The following DIP2C variants were observed in gnomAD, a reference collection of about 807,000 sequenced individuals.
DIP2C encodes the protein disco-interacting protein 2 homolog C.
Under a neutral mutation model 192.4 loss-of-function variants are expected in DIP2C, and 33 were observed. That is an observed-to-expected ratio of 0.17 (90% CI 0.13 to 0.23). DIP2C has a LOEUF of 0.23. DIP2C is among the 10% of genes least tolerant of loss of function. The pLI, the probability that DIP2C is intolerant of heterozygous loss-of-function variation, is 1.00. For synonymous variants in DIP2C, 979 were observed against 864.1 expected, an observed-to-expected ratio of 1.13 and a Z score of -2.33; for missense variants, 1,537 against 2,110.1, an observed-to-expected ratio of 0.73 and a Z score of 5.32.
chr10:411,188 C>A (rs1965160101), intron 8 of DIP2C, among the ~76,000 whole-genome samples: 1 of 152,156 alleles, frequency 6.6e-6, no homozygotes, highest in Non-Finnish European at 1.5e-5. Context: ...AAAAGGAAAA[C>A]CATAAATAAA....
At chr10:470,218 A>AATGGCG (rs1289473722) in intron 3 of DIP2C, among the ~76,000 whole-genome samples, 1 of 152,200 alleles carries the variant, frequency 6.6e-6, no homozygotes, top group African/African-American at 2.4e-5. Flanking sequence ...ATGTGGTTAT[A>AATGGCG]ATGGCGATGG....
At chr10:402,039 T>A (rs573442855) in intron 9 of DIP2C, among the ~76,000 whole-genome samples, 1 of 97,394 alleles carries the variant, frequency 1.0e-5, no homozygotes, top group African/African-American at 3.9e-5. Flanking sequence ...AAGTTTGGTA[T>A]GTGTTCATCA....
chr10:297,972 AT>A (rs1291787538), intron 32 of DIP2C, among the ~76,000 whole-genome samples: 2 of 152,224 alleles, frequency 1.3e-5, no homozygotes, highest in African/African-American at 4.8e-5. Flanking sequence ...TTTAAGAAAA[AT>A]TGAGCAGGAT....
At position 335,625 on chromosome 10, in the gene DIP2C, T is replaced by G. The variant is rs550774503; in HGVS notation, c.3584+5574A>C. 5.3e-5 allele frequency among the ~76,000 whole-genome samples: 8 copies of G among 152,338 alleles called. No homozygotes were observed. The East Asian group carries it at 1.2e-3, about 22-fold the overall frequency. ...GTCCCCTAACTTGGGGGCTGGTGCT[T>G]CCACATGGGGAGATCCAGGACAGGC... On this transcript the variant is annotated intron_variant, in intron 29 of 36. Transcript: ENST00000280886.
chr10:596,496 CAAAAAAAAAAAA>C (rs56298679), intron 1 of DIP2C, among the ~76,000 whole-genome samples: 67 of 52,938 alleles, frequency 1.3e-3, no homozygotes, highest in African/African-American at 3.5e-3. Flanking sequence ...AACTCCATCT[CAAAAAAAAAAAA>C]AAAAAAAAAA....
At chr10:330,621 T>C (rs1480616435) in intron 29 of DIP2C, among the ~76,000 whole-genome samples, 3 of 150,744 alleles carry the variant, frequency 2.0e-5, no homozygotes, top group Admixed American at 6.6e-5. Flanking sequence ...CCTGAGTCAG[T>C]AGGACCACAG....
At chr10:542,014 G>A (rs1022723043) in intron 1 of DIP2C, among the ~76,000 whole-genome samples, 1 of 152,200 alleles carries the variant, frequency 6.6e-6, no homozygotes, top group African/African-American at 2.4e-5. Context: ...GCACACGTTG[G>A]TCTCCTGCAC....
rs1225778384 is a variant in DIP2C at position 394,903 on chromosome 10, A to T, written c.1261-4040T>A. On this transcript the variant is annotated intron_variant, in intron 10 of 36. Transcript: ENST00000280886. ...CAGCCTTCAGACAGGAGGGAAGGTG[A>T]CCGTATGCTGAACAGGAAGGACACT... Among the ~76,000 whole-genome samples, 6 of 141,364 alleles carry T rather than the reference A, an allele frequency of 4.2e-5. No individual in the cohort carries two copies. In the East Asian group the frequency reaches 1.1e-3, roughly 26 times the overall value. 92.7% of individuals were successfully genotyped at this position (141,364 alleles called of 152,430 possible). A position where few individuals can be genotyped will look rare whatever the true frequency, so the allele number is the denominator to read the frequency against.
intron 5 of DIP2C, among the ~76,000 whole-genome samples, chr10:419,897 G>C (rs1966063931): frequency 6.6e-6 from 1 of 152,354 alleles, no homozygotes; most frequent in Non-Finnish European, 1.5e-5. Flanking sequence ...TGGAGATAAA[G>C]TTAAGCCGTA....
chr10:300,067 G>A (rs923909937), intron 32 of DIP2C, among the ~76,000 whole-genome samples: 2 of 152,216 alleles, frequency 1.3e-5, no homozygotes, highest in Non-Finnish European at 2.9e-5. Context: ...TGGCGGGAAG[G>A]TAAAACAATG....
chr10:304,914 C>T (rs1174973790), intron 32 of DIP2C, among the ~76,000 whole-genome samples: 1 of 152,080 alleles, frequency 6.6e-6, no homozygotes. Context: ...TACTCGTGTG[C>T]ACAAATATCT....
At chr10:686,686 CT>C (rs1190950854) in intron 1 of DIP2C, among the ~76,000 whole-genome samples, 1 of 152,262 alleles carries the variant, frequency 6.6e-6, no homozygotes, top group Non-Finnish European at 1.5e-5. Flanking sequence ...GTGGTGTGAG[CT>C]GGCCTCACCT....
chr10:605,918 G>C (rs995770347), intron 1 of DIP2C, among the ~76,000 whole-genome samples: 1 of 152,162 alleles, frequency 6.6e-6, no homozygotes. Context: ...CTTTCAGGCC[G>C]TGCCATTTCC....
chr10:621,662 T>C (rs1853860291), intron 1 of DIP2C, among the ~76,000 whole-genome samples: 2 of 152,122 alleles, frequency 1.3e-5, no homozygotes, highest in African/African-American at 4.8e-5. Context: ...GATCCTGCCA[T>C]CACTCACCCT....
intron 1 of DIP2C, among the ~76,000 whole-genome samples, chr10:516,088 G>A (rs1395554258): frequency 6.6e-6 from 1 of 150,690 alleles, no homozygotes; most frequent in Non-Finnish European, 1.5e-5. Context: ...GAAACGAGGG[G>A]GTTTCCTGAA....
intron 4 of DIP2C, among the ~76,000 whole-genome samples, chr10:434,397 C>T (rs565355052): frequency 1.3e-5 from 2 of 152,274 alleles, no homozygotes; most frequent in South Asian, 4.2e-4. Context: ...ACCCTCCCAT[C>T]TTGGCCTCTC....
intron 1 of DIP2C, among the ~76,000 whole-genome samples, chr10:662,500 T>C (rs1427210664): frequency 1.3e-5 from 2 of 152,190 alleles, no homozygotes; most frequent in African/African-American, 4.8e-5. Flanking sequence ...TGAACGCTAA[T>C]CATGAAGCAG....
Position 605,665 on chromosome 10 carries a change from CTCTG to C in DIP2C, c.85+83825_85+83828del, listed in dbSNP as rs1405438598. ...GCCTGCCTGAACATTTCATTGCCAC[CTCTG>C]TCTTAGATATTGATCTCCCTCAGAA... On this transcript the variant is annotated intron_variant, in intron 1 of 36. Coordinates refer to ENST00000280886, the MANE Select transcript of DIP2C (RefSeq NM_014974.3). 1.8e-4 allele frequency among the ~76,000 whole-genome samples: 28 copies of C among 152,270 alleles called. 1 individual carries two copies. The highest frequency in any genetic ancestry group is 5.8e-4 in the African/African-American group (24 of 41,528).
chr10:620,474 T>C lies in DIP2C; in HGVS notation c.85+69020A>G, dbSNP rs1853787035. ...CCTAGGGGGCCTCCTGAGGGGCAGA[T>C]ACGGAGGGAGAAGCCCTGGGCTATG... On this transcript the variant is annotated intron_variant, in intron 1 of 36. Transcript: ENST00000280886. 3.9e-5 allele frequency among the ~76,000 whole-genome samples: 6 copies of C among 152,278 alleles called. No homozygotes were observed. In the South Asian group the frequency reaches 1.2e-3, roughly 32 times the overall value.
Sources: gnomAD v4.1 joint callset for allele counts (sites outside exome capture counted in the v4.1 genomes callset) on GRCh38, gnomAD v4.1.1 for gene constraint, MANE v1.5 for transcripts, NCBI Gene and HGNC (gene_info 2026-07-23, HGNC 2026-07-21) for gene names.